Variants in KCNT1 observed in about 807,000 individuals in gnomAD.
KCNT1 encodes potassium channel subfamily T member 1.
In KCNT1, 78 loss-of-function variants were observed where a neutral mutation model predicts 147.8. That is an observed-to-expected ratio of 0.53 (90% CI 0.44 to 0.64). KCNT1 has a LOEUF of 0.64. Among genes scored for constraint, KCNT1 ranks in the 30% least tolerant of loss-of-function variants. KCNT1 has a pLI of 0.00. For missense variants in KCNT1, 1,419 were observed against 1,750.3 expected (o/e 0.81, Z 3.38); for synonymous variants, 867 against 748.8 (o/e 1.16, Z -2.58).
rs1195093920 is a variant in KCNT1, at chr9:135,752,367, G to A, written c.434+1326G>A. On this transcript the variant is annotated intron_variant, in intron 4 of 30. Coordinates refer to ENST00000371757, the MANE Select transcript of KCNT1 (RefSeq NM_020822.3). The surrounding 1 kb of genome is among the most constrained non-coding windows in gnomAD (Gnocchi z 5.1). ...TCCCTCTCCTAAGAATGAACCTCCT[G>A]TCTTTGTCTAGGTCAGAAGAGGGCA... 1 of 456,476 alleles carries A rather than the reference G, an allele frequency of 2.2e-6. No homozygotes were observed. Among genetic ancestry groups the A allele is most frequent in the South Asian group, 1.5e-5 (1 of 64,558 alleles). The allele number at this position is 456,476 out of a possible 1,614,324, so 28.3% of individuals were successfully genotyped here.
intron 2 of KCNT1, among the ~76,000 whole-genome samples, chr9:135,744,975 C>A (rs1377405362): frequency 6.6e-6 from 1 of 152,168 alleles, no homozygotes; most frequent in Non-Finnish European, 1.5e-5. Context: ...ACGGGCCCGG[C>A]CCCCTGTGGC....
Position 135,777,312 on chromosome 9 carries a change from GCCCTGACT to G in KCNT1, c.2350-23_2350-16del. 6.2e-7 allele frequency: 1 copy of G among 1,606,074 alleles called. No homozygotes were observed. Among genetic ancestry groups the G allele is most frequent in the Non-Finnish European group, 8.5e-7 (1 of 1,175,452 alleles). On this transcript the variant is annotated intron_variant, in intron 20 of 30. Coordinates refer to ENST00000371757, the MANE Select transcript of KCNT1 (RefSeq NM_020822.3). ...AGCAGGAACCACAGCCCTGACTCCA[GCCCTGACT>G]CCAGCATCTGCCCCCAGGGCTGCAA...
At chr9:135,739,809 G>A (rs568109901) in intron 2 of KCNT1, among the ~76,000 whole-genome samples, 3 of 152,324 alleles carry the variant, frequency 2.0e-5, no homozygotes, top group South Asian at 4.1e-4. Flanking sequence ...CTGTTTGGGC[G>A]GCTGGTTTAT....
rs370292952 is a variant in KCNT1, at chr9:135,771,113, C to T, written c.2008+18C>T. 2.9e-5 allele frequency: 46 copies of T among 1,597,322 alleles called. No individual in the cohort carries two copies. The highest frequency in any genetic ancestry group is 9.0e-5 in the South Asian group (8 of 89,336). On this transcript the variant is annotated intron_variant, in intron 18 of 30. Transcript: ENST00000371757. ...CTCCATGGGTGAGCCGGGACAGGCGCGCGGGACTCCCTGGGCCTGCTCCTT... is the reference window on the plus strand; with the variant it reads ...CTCCATGGGTGAGCCGGGACAGGCGTGCGGGACTCCCTGGGCCTGCTCCTT...
chr9:135,762,210 A>G (rs1831962249), intron 11 of KCNT1, among the ~76,000 whole-genome samples: 1 of 152,232 alleles, frequency 6.6e-6, no homozygotes, highest in Non-Finnish European at 1.5e-5. Flanking sequence ...TTGAAAGGCC[A>G]AGGCGGGAGG....
chr9:135,764,951 G>T, intron 11 of KCNT1, 80 bp from the exon 12 acceptor site: 1 of 1,477,634 alleles, frequency 6.8e-7, no homozygotes, highest in Non-Finnish European at 9.2e-7. Flanking sequence ...AGACAGTCGT[G>T]TGTCAGGGCC....
intron 7 of KCNT1, 35 bp downstream of exon 7, chr9:135,756,967 G>GTCCCCACCCTCCCCACCC: frequency 8.1e-7 from 1 of 1,238,110 alleles, no homozygotes; most frequent in East Asian, 2.4e-5. Flanking sequence ...CTCACAGGGG[G>GTCCCCACCCTCCCCACCC]TCCCCACCCT....
At chr9:135,755,045 T>C in intron 5 of KCNT1, 76 bp from the exon 6 acceptor site, 2 of 1,397,028 alleles carry the variant, frequency 1.4e-6, no homozygotes, top group Non-Finnish European at 1.9e-6. Flanking sequence ...CCAATGGTTA[T>C]GGCCCCAGCC....
intron 2 of KCNT1, among the ~76,000 whole-genome samples, chr9:135,719,694 G>A (rs764582661): frequency 1.9e-3 from 288 of 152,284 alleles, no homozygotes; most frequent in Non-Finnish European, 2.9e-3. Context: ...TGGGGCTTCC[G>A]GCAGGCAAGA....
intron 25 of KCNT1, among the ~76,000 whole-genome samples, 154 bp downstream of exon 25, chr9:135,784,279 C>T (rs56167910): frequency 2.8e-3 from 421 of 152,286 alleles, no homozygotes; most frequent in Non-Finnish European, 5.0e-3. Context: ...GTCCTTGCCC[C>T]AGGGATTTCT....
intron 2 of KCNT1, among the ~76,000 whole-genome samples, chr9:135,721,934 T>G (rs1588265256): frequency 6.6e-6 from 1 of 152,034 alleles, no homozygotes; most frequent in African/African-American, 2.4e-5. Context: ...GGCTCCCGGG[T>G]GGGCTGCACC....
chr9:135,702,357 A>G lies in KCNT1; in HGVS notation c.99A>G (p.Gln33=), dbSNP rs146152956. ...TNRTFEFDDG[Q]CAPRRPCAGD... is the part of the protein sequence containing the mutation. The stretch of plus-strand genomic sequence containing the variant: ...GGACCTTCGAGTTTGACGACGGCCA[A>G]TGCGCCCCCAGGTACAGTCTGCTGC... The change falls in exon 1 of 31, where the codon CAA becomes CAG. Residue 33 remains glutamine (Q), a synonymous_variant. Transcript: ENST00000371757. 4,230 of 1,610,794 alleles carry G rather than the reference A, an allele frequency of 2.6e-3. 10 individuals are homozygous for G. Among genetic ancestry groups the G allele is most frequent in the African/African-American group, 5.0e-3 (375 of 74,792 alleles).
rs1011780600 is a variant in KCNT1 at position 135,748,255 on chromosome 9, G to A, written c.255-1843G>A. 1.3e-5 allele frequency among the ~76,000 whole-genome samples: 2 copies of A among 152,164 alleles called. 1 individual carries two copies. The highest frequency in any genetic ancestry group is 4.1e-4 in the South Asian group (2 of 4,830). On this transcript the variant is annotated intron_variant, in intron 2 of 30. Coordinates refer to ENST00000371757, the MANE Select transcript of KCNT1 (RefSeq NM_020822.3). ...GGCCCCTGGCCCCTTCTTGAGCTCTGTAACCAGCAGAGGCCACTGGGGCAG... is the reference window on the plus strand; with the variant it reads ...GGCCCCTGGCCCCTTCTTGAGCTCTATAACCAGCAGAGGCCACTGGGGCAG...
At position 135,702,349 on chromosome 9, in the gene KCNT1, G is replaced by A. The variant is rs766377529; in HGVS notation, c.91G>A (p.Asp31Asn). ...CACCAACCGGACCTTCGAGTTTGAC[G>A]ACGGCCAATGCGCCCCCAGGTACAG... is the stretch of plus-strand genomic sequence containing the variant. ...GYTNRTFEFD[D>N]GQCAPRRPCA... The change falls in exon 1 of 31, where the codon GAC (aspartate) becomes AAC (asparagine). Residue 31 changes from aspartate (D) to asparagine (N), a missense_variant. Asp to Asn is a conservative substitution (Grantham distance 23, BLOSUM62 1). Transcript: ENST00000371757. 5.0e-6 allele frequency: 8 copies of A among 1,611,150 alleles called. No individual in the cohort carries two copies. Among genetic ancestry groups the A allele is most frequent in the Admixed American group, 3.3e-5 (2 of 59,958 alleles).
At chr9:135,743,803 C>T (rs1346385559) in intron 2 of KCNT1, among the ~76,000 whole-genome samples, 1 of 152,248 alleles carries the variant, frequency 6.6e-6, no homozygotes, top group African/African-American at 2.4e-5. Context: ...GCCAGCCTCA[C>T]CTGGGCCCCT....
At chr9:135,784,496 T>TCCCCCC in intron 25 of KCNT1, 39 bp from the exon 26 acceptor site, 3 of 155,884 alleles carry the variant, frequency 1.9e-5, no homozygotes, top group South Asian at 5.7e-5. Context: ...CCTCCCTCCC[T>TCCCCCC]CCCTCCCTCC....
At chr9:135,764,048 C>T (rs950027652) in intron 11 of KCNT1, among the ~76,000 whole-genome samples, 13 of 152,152 alleles carry the variant, frequency 8.5e-5, no homozygotes, top group African/African-American at 2.4e-4. Context: ...GCCTCGTCAC[C>T]GGAACAAAGC....
intron 1 of KCNT1, among the ~76,000 whole-genome samples, chr9:135,707,371 C>CT (rs144992614): frequency 1.6e-3 from 250 of 152,256 alleles, no homozygotes; most frequent in African/African-American, 5.9e-3. Flanking sequence ...CAAGGGTCCC[C>CT]TGCCGGCTCC....
Position 135,778,723 on chromosome 9 carries a change from C to G in KCNT1, c.2630C>G (p.Ala877Gly), listed in dbSNP as rs774033346. Reference sequence around the variant, plus strand: ...CTGCTGCAGTGTGGCATCATCTATGCGGACAACCTGGTGGTGGTGGACAAG... The same window carrying G: ...CTGCTGCAGTGTGGCATCATCTATGGGGACAACCTGGTGGTGGTGGACAAG... ...DSLLQCGIIY[A>G]DNLVVVDKES... The change falls in exon 23 of 31, where the codon GCG becomes GGG. Residue 877 changes from alanine to glycine, a missense_variant. Physicochemically the swap from Ala to Gly is moderately conservative, Grantham distance 60. This residue lies in a region of KCNT1 where 247 missense variants were observed against 397.1 expected (regional missense o/e 0.62). Transcript: ENST00000371757. 1 of 1,613,904 alleles carries G rather than the reference C, an allele frequency of 6.2e-7. No homozygotes were observed.
Sources: gnomAD v4.1 joint callset for allele counts (sites outside exome capture counted in the v4.1 genomes callset) on GRCh38, gnomAD v4.1.1 for gene constraint, gnomAD v4.1.1 regional missense constraint, Gnocchi (gnomAD v3.1) non-coding constraint, MANE v1.5 for transcripts, NCBI Gene and HGNC (gene_info 2026-07-23, HGNC 2026-07-21) for gene names.